Variants in STAG1 observed in about 807,000 individuals in gnomAD.
STAG1 encodes the protein STAG1 cohesin complex component, also known as cohesin subunit SA-1.
A neutral mutation model predicts 170.9 loss-of-function variants in STAG1; 26 were observed. The observed-to-expected ratio is 0.15, with a 90% CI of 0.11 to 0.21. The LOEUF is 0.21. STAG1 is among the 10% of genes least tolerant of loss of function. The probability of loss-of-function intolerance (pLI) is 1.00; values close to 1 mark genes in which losing one functional copy is unlikely to be tolerated. For missense variants in STAG1, 964 were observed against 1,509.5 expected (o/e 0.64, Z 5.99); for synonymous variants, 514 against 497.7 (o/e 1.03, Z -0.44).
chr3:136,674,645 C>T (rs1313783436), intron 1 of STAG1, among the ~76,000 whole-genome samples: 1 of 152,180 alleles, frequency 6.6e-6, no homozygotes, highest in Non-Finnish European at 1.5e-5. Flanking sequence ...TATCAGTATA[C>T]TAATCCTAAA....
At chr3:136,421,227 T>C (rs2087948747) in intron 19 of STAG1, 64 bp from the exon 20 acceptor site, 3 of 989,468 alleles carry the variant, frequency 3.0e-6, no homozygotes, top group Admixed American at 2.6e-5. Context: ...TTACTACTTA[T>C]TGCCTAAATA....
At chr3:136,537,222 T>C (rs1935675611) in intron 6 of STAG1, among the ~76,000 whole-genome samples, 1 of 152,194 alleles carries the variant, frequency 6.6e-6, no homozygotes, top group Admixed American at 6.5e-5. Context: ...AAGAAAATAT[T>C]AGAACTTCTA....
chr3:136,382,930 C>T (rs1938057619), intron 22 of STAG1, among the ~76,000 whole-genome samples: 1 of 152,134 alleles, frequency 6.6e-6, no homozygotes, highest in Admixed American at 6.5e-5. Context: ...TAGTTAATCT[C>T]TTATAGTAAA....
intron 22 of STAG1, among the ~76,000 whole-genome samples, chr3:136,394,998 G>T (rs945550293): frequency 6.7e-6 from 1 of 150,104 alleles, no homozygotes; most frequent in African/African-American, 2.5e-5. Flanking sequence ...TGTAGTCCCA[G>T]CTACTTCAGG....
rs374066787 is a variant in STAG1 at position 136,338,230 on chromosome 3, A to G, written c.*24T>C. 5 of 1,565,708 alleles carry G rather than the reference A, an allele frequency of 3.2e-6. No individual in the cohort carries two copies. Among genetic ancestry groups the G allele is most frequent in the Non-Finnish European group, 3.5e-6 (4 of 1,138,704 alleles). ...CTCTAGCTCTAAATAATAGAGTTCCAGATTTGTAAATTTTCTTCAGACTTC... is the reference window on the plus strand; with the variant it reads ...CTCTAGCTCTAAATAATAGAGTTCCGGATTTGTAAATTTTCTTCAGACTTC... On this transcript the variant is annotated 3_prime_UTR_variant, in exon 34 of 34. Transcript: ENST00000383202.
At chr3:136,543,616 G>T (rs1480827351) in intron 5 of STAG1, among the ~76,000 whole-genome samples, 1 of 152,116 alleles carries the variant, frequency 6.6e-6, no homozygotes, top group African/African-American at 2.4e-5. Context: ...GGGTTTCTCA[G>T]CTCCATCAGT....
chr3:136,736,588 A>T lies in STAG1; in HGVS notation c.-84+15607T>A. 1.2e-5 allele frequency: 18 copies of T among 1,552,694 alleles called. No homozygotes were observed. In the South Asian group the frequency reaches 2.0e-4, roughly 17 times the overall value. ...TTTGTATTGGCTTGGAAGTTTCGCC[A>T]GCTGTCCACACAACCATCTCGACTT... On this transcript the variant is annotated intron_variant, in intron 1 of 33. Coordinates refer to ENST00000383202, the MANE Select transcript of STAG1 (RefSeq NM_005862.3).
chr3:136,579,786 G>T (rs372953486), intron 4 of STAG1, among the ~76,000 whole-genome samples: 5 of 151,840 alleles, frequency 3.3e-5, no homozygotes, highest in Non-Finnish European at 5.9e-5. Flanking sequence ...TGTACTCCCC[G>T]TTCATCATAA....
At chr3:136,426,351 G>A (rs544481410) in intron 16 of STAG1, among the ~76,000 whole-genome samples, 1 of 152,310 alleles carries the variant, frequency 6.6e-6, no homozygotes, top group African/African-American at 2.4e-5. Context: ...GGCGGAGCCT[G>A]CAGTGAGCCG....
chr3:136,578,758 T>C (rs944730169), intron 4 of STAG1, among the ~76,000 whole-genome samples: 1 of 152,230 alleles, frequency 6.6e-6, no homozygotes, highest in Admixed American at 6.5e-5. Context: ...TAATAGATGA[T>C]GGAGTTGTAA....
chr3:136,407,098 C>T (rs2087505775), intron 21 of STAG1, among the ~76,000 whole-genome samples: 1 of 152,204 alleles, frequency 6.6e-6, no homozygotes, highest in African/African-American at 2.4e-5. Flanking sequence ...GCAATCTCAG[C>T]TCACTGCAAC....
chr3:136,370,567 G>T (rs1937276296), intron 23 of STAG1, among the ~76,000 whole-genome samples: 1 of 152,010 alleles, frequency 6.6e-6, no homozygotes, highest in Non-Finnish European at 1.5e-5. Flanking sequence ...GTGTCCATGT[G>T]TTCTCATTGT....
intron 9 of STAG1, among the ~76,000 whole-genome samples, chr3:136,498,233 T>TATATATATACACACACAC: frequency 1.4e-4 from 8 of 57,492 alleles, no homozygotes; most frequent in African/African-American, 7.2e-4. Flanking sequence ...TATATATATA[T>TATATATATACACACACAC]ACACATACAT....
chr3:136,396,238 CAG>C (rs2087151363), intron 22 of STAG1, among the ~76,000 whole-genome samples: 1 of 102,784 alleles, frequency 9.7e-6, no homozygotes, highest in Non-Finnish European at 1.8e-5. Context: ...TTTTTTGAGA[CAG>C]AGTCTCGCTC....
chr3:136,616,537 G>A (rs1428621834), intron 3 of STAG1, among the ~76,000 whole-genome samples: 1 of 152,108 alleles, frequency 6.6e-6, no homozygotes, highest in African/African-American at 2.4e-5. Context: ...ACAAAAGAGT[G>A]CACATTTAAG....
chr3:136,436,827 T>C (rs2088476347), intron 15 of STAG1, among the ~76,000 whole-genome samples: 1 of 152,216 alleles, frequency 6.6e-6, no homozygotes. Context: ...ACCAAAATTA[T>C]CTTGTAAAAA....
chr3:136,521,445 G>A, intron 6 of STAG1, 28 bp from the exon 7 acceptor site: 1 of 1,594,374 alleles, frequency 6.3e-7, no homozygotes, highest in Non-Finnish European at 8.6e-7. Context: ...AACATATTAA[G>A]TATGTCACAT....
chr3:136,476,122 G>C (rs764300121), intron 10 of STAG1, among the ~76,000 whole-genome samples: 3 of 152,178 alleles, frequency 2.0e-5, no homozygotes, highest in East Asian at 1.9e-4. Flanking sequence ...CCACTTGTTA[G>C]AGGATAGTAT....
intron 1 of STAG1, among the ~76,000 whole-genome samples, chr3:136,733,241 T>C (rs1934144666): frequency 1.3e-5 from 2 of 152,062 alleles, no homozygotes; most frequent in South Asian, 4.2e-4. Context: ...CGAGCCACCA[T>C]GCCTGGCTAA....
Sources: gnomAD v4.1 joint callset for allele counts (sites outside exome capture counted in the v4.1 genomes callset) on GRCh38, gnomAD v4.1.1 for gene constraint, MANE v1.5 for transcripts, NCBI Gene and HGNC (gene_info 2026-07-23, HGNC 2026-07-21) for gene names.